The following CNOT4 variants were observed in gnomAD, a reference collection of about 807,000 sequenced individuals.
The protein encoded by CNOT4 is CCR4-NOT transcription complex subunit 4, also known as CCR4-associated factor 4.
Under a neutral mutation model 73.8 loss-of-function variants are expected in CNOT4, and 8 were observed. The ratio of observed to expected loss-of-function variants is 0.11; its 90% CI spans 0.06 to 0.20. The LOEUF (loss-of-function observed/expected upper bound fraction) is 0.20. Among genes scored for constraint, CNOT4 ranks in the 10% least tolerant of loss-of-function variants. The pLI is 1.00. For missense variants in CNOT4, 564 were observed against 883.4 expected, an observed-to-expected ratio of 0.64 and a Z score of 4.58; for synonymous variants, 293 against 321.1, an observed-to-expected ratio of 0.91 and a Z score of 0.94.
intron 1 of CNOT4, among the ~76,000 whole-genome samples, chr7:135,483,348 A>G (rs902883548): frequency 4.0e-5 from 6 of 151,862 alleles, no homozygotes; most frequent in Admixed American, 2.6e-4. Context: ...AAAAAAAAAA[A>G]TAAAAATAAA....
chr7:135,495,559 C>A (rs1449861621), intron 1 of CNOT4, among the ~76,000 whole-genome samples: 1 of 145,884 alleles, frequency 6.9e-6, no homozygotes, highest in Non-Finnish European at 1.5e-5. Flanking sequence ...ACCTACAGTG[C>A]CAGCTACTTG....
rs561377184 is a variant in CNOT4 at position 135,394,068 on chromosome 7, C to T, written c.1477G>A (p.Gly493Ser). The change falls in exon 10 of 12, where the codon GGC (glycine) becomes AGC (serine). Residue 493 changes from glycine (G) to serine (S), a missense_variant. By Grantham distance (56) the Gly-to-Ser change is moderately conservative. This residue lies in a region of CNOT4 where 153 missense variants were observed against 158.7 expected (regional missense o/e 0.96). Transcript: ENST00000541284. Reference protein sequence around the residue: ...RAVYNSFSFPGQAARYPWMAF... With the variant: ...RAVYNSFSFPSQAARYPWMAF... ...ATCCAAGGATAGCGGGCTGCCTGGC[C>T]TGGAAAACTGAATGAATTATAAACC... is the stretch of plus-strand genomic sequence containing the variant. The T allele has an allele frequency of 6.2e-7, 1 of 1,614,096 alleles. No individual in the cohort carries two copies. The highest frequency in any genetic ancestry group is 1.1e-5 in the South Asian group (1 of 91,068).
chr7:135,452,007 T>C (rs1408229494), intron 1 of CNOT4, among the ~76,000 whole-genome samples: 6 of 151,992 alleles, frequency 3.9e-5, no homozygotes, highest in African/African-American at 1.2e-4. Context: ...CAGCACTTTG[T>C]GAGGCTGAGG....
chr7:135,389,568 C>G (rs1489258559), intron 10 of CNOT4, among the ~76,000 whole-genome samples: 1 of 151,996 alleles, frequency 6.6e-6, no homozygotes, highest in Non-Finnish European at 1.5e-5. Context: ...CTACAAGTGA[C>G]TTGTTTCACA....
At position 135,461,006 on chromosome 7, in the gene CNOT4, G is replaced by C. The variant is rs148219970; in HGVS notation, c.-92-22583C>G. On this transcript the variant is annotated intron_variant, in intron 1 of 11. Transcript: ENST00000541284. Reference sequence around the variant, plus strand: ...TTACAAACCTGTAAAAATGTAAAAAGCATTTTTAGCTCATGGACTTTACAA... The same window carrying C: ...TTACAAACCTGTAAAAATGTAAAAACCATTTTTAGCTCATGGACTTTACAA... 7.8e-3 allele frequency among the ~76,000 whole-genome samples: 1,191 copies of C among 152,192 alleles called. 18 individuals carry two copies. Among genetic ancestry groups the C allele is most frequent in the African/African-American group, 0.027 (1,134 of 41,536 alleles).
At chr7:135,424,035 AACAAAACAC>A (rs1798340541) in intron 2 of CNOT4, among the ~76,000 whole-genome samples, 1 of 134,918 alleles carries the variant, frequency 7.4e-6, no homozygotes, top group Non-Finnish European at 1.6e-5. Flanking sequence ...CAAACAAACA[AACAAAACAC>A]ACACACACAC....
At chr7:135,447,371 T>C (rs1473824559) in intron 1 of CNOT4, among the ~76,000 whole-genome samples, 1 of 152,214 alleles carries the variant, frequency 6.6e-6, no homozygotes, top group African/African-American at 2.4e-5. Flanking sequence ...ATTCATATAC[T>C]ATAGAACTCA....
chr7:135,471,659 C>T (rs901883475), intron 1 of CNOT4, among the ~76,000 whole-genome samples: 2 of 152,080 alleles, frequency 1.3e-5, no homozygotes, highest in African/African-American at 2.4e-5. Flanking sequence ...ATCAGCTGGT[C>T]GGAGATAATA....
intron 1 of CNOT4, among the ~76,000 whole-genome samples, chr7:135,463,659 C>T (rs191071675): frequency 1.3e-3 from 193 of 151,430 alleles, no homozygotes; most frequent in African/African-American, 4.3e-3. Flanking sequence ...AAAGCAACTG[C>T]AACAAAAGCA....
At chr7:135,479,666 G>A (rs1254456327) in intron 1 of CNOT4, among the ~76,000 whole-genome samples, 1 of 152,088 alleles carries the variant, frequency 6.6e-6, no homozygotes, top group African/African-American at 2.4e-5. Context: ...GGGAGGCGGA[G>A]GCAGGAGGAT....
chr7:135,419,117 C>T (rs1466112870), intron 3 of CNOT4, among the ~76,000 whole-genome samples: 1 of 152,086 alleles, frequency 6.6e-6, no homozygotes, highest in East Asian at 1.9e-4. Flanking sequence ...CTATCGTTGG[C>T]TCTAATTACC....
intron 3 of CNOT4, among the ~76,000 whole-genome samples, chr7:135,415,843 TC>T (rs1797845208): frequency 1.3e-5 from 2 of 152,148 alleles, no homozygotes; most frequent in African/African-American, 4.8e-5. Context: ...TTTTACCATT[TC>T]TCATCTGTCT....
At chr7:135,495,227 C>G (rs1585732498) in intron 1 of CNOT4, among the ~76,000 whole-genome samples, 3 of 151,704 alleles carry the variant, frequency 2.0e-5, no homozygotes, top group Admixed American at 2.0e-4. Flanking sequence ...CACCAAAATA[C>G]GAAAAGTTGG....
chr7:135,374,383 G>A (rs1174048363), intron 10 of CNOT4, among the ~76,000 whole-genome samples: 2 of 100,100 alleles, frequency 2.0e-5, no homozygotes, highest in African/African-American at 3.5e-5. Flanking sequence ...GCAGTTTCTG[G>A]TAAAATTTGC....
rs1252444751 is a variant in CNOT4 at position 135,438,230 on chromosome 7, G to A, written c.102C>T (p.Gly34=). 1.2e-6 allele frequency: 2 copies of A among 1,612,342 alleles called. No individual in the cohort carries two copies. Among genetic ancestry groups the A allele is most frequent in the Admixed American group, 3.3e-5 (2 of 60,020 alleles). Residue 34 remains glycine (G), a synonymous_variant, in exon 2 of 12, where the codon GGC becomes GGT. Transcript: ENST00000541284. ...GCCAACAAAATCGGCAAATCTGGTA[G>A]CCACAGGTGCAAGGGAAAAAGTTGA... ...DDINFFPCTC[G]YQICRFCWHR... is the part of the protein sequence containing the mutation.
At chr7:135,491,852 C>T (rs1216059973) in intron 1 of CNOT4, among the ~76,000 whole-genome samples, 1 of 152,158 alleles carries the variant, frequency 6.6e-6, no homozygotes, top group Non-Finnish European at 1.5e-5. Context: ...TTACATACTA[C>T]ACTGTATATA....
At chr7:135,501,704 C>CCT (rs1563087021) in intron 1 of CNOT4, among the ~76,000 whole-genome samples, 1 of 152,210 alleles carries the variant, frequency 6.6e-6, no homozygotes, top group Non-Finnish European at 1.5e-5. Flanking sequence ...CACCAATACA[C>CCT]CTTTCATAAT....
intron 10 of CNOT4, among the ~76,000 whole-genome samples, chr7:135,378,950 A>G (rs561155494): frequency 6.8e-6 from 1 of 147,408 alleles, no homozygotes; most frequent in South Asian, 2.2e-4. Flanking sequence ...GCGCCACTGC[A>G]CTCCAATCTG....
In CNOT4 at chr7:135,363,300, T is replaced by C; in HGVS notation, c.1841-114A>G. On this transcript the variant is annotated intron_variant, in intron 11 of 11. Coordinates refer to ENST00000541284, the MANE Select transcript of CNOT4 (RefSeq NM_001190850.2). The surrounding 1 kb of genome is among the most constrained non-coding windows in gnomAD (Gnocchi z 4.3). ...AGGAAAGACAGAAGAGATTACAATT[T>C]TAAACTCCTTCCAAATAAGACCTTT... 1 of 930,538 alleles carries C rather than the reference T, an allele frequency of 1.1e-6. No individual in the cohort carries two copies. Among genetic ancestry groups the C allele is most frequent in the Non-Finnish European group, 1.6e-6 (1 of 606,560 alleles). 57.6% of individuals were successfully genotyped at this position (930,538 alleles called of 1,614,324 possible). A position where few individuals can be genotyped will look rare whatever the true frequency, so the allele number is the denominator to read the frequency against.
Sources: gnomAD v4.1 joint callset for allele counts (sites outside exome capture counted in the v4.1 genomes callset) on GRCh38, gnomAD v4.1.1 for gene constraint, gnomAD v4.1.1 regional missense constraint, Gnocchi (gnomAD v3.1) non-coding constraint, MANE v1.5 for transcripts, NCBI Gene and HGNC (gene_info 2026-07-23, HGNC 2026-07-21) for gene names.